The following MRGPRX1 variants were observed in gnomAD, a reference collection of about 807,000 sequenced individuals.
MRGPRX1 encodes MAS related GPR family member X1, also known as mas-related G protein-coupled receptor member X1.
For synonymous variants in MRGPRX1, 208 were observed against 170.4 expected (o/e 1.22, Z -1.72); for missense variants, 411 against 393.8 (o/e 1.04, Z -0.37).
chr11:18,933,678 A>C lies in MRGPRX1; in HGVS notation c.*138T>G, dbSNP rs1390797691. On this transcript the variant is annotated 3_prime_UTR_variant, in exon 2 of 2. Coordinates refer to ENST00000526914, the MANE Select transcript of MRGPRX1 (RefSeq NM_001393578.1). ...GTGAAAACCGCAACTGTCAGGTTAGATAAACATCTATTTGAAGACCTTGAG... is the reference window on the plus strand; with the variant it reads ...GTGAAAACCGCAACTGTCAGGTTAGCTAAACATCTATTTGAAGACCTTGAG... 5.6e-6 allele frequency: 8 copies of C among 1,415,932 alleles called. No homozygotes were observed. Among genetic ancestry groups the C allele is most frequent in the Non-Finnish European group, 3.8e-6 (4 of 1,050,106 alleles). 87.7% of individuals were successfully genotyped at this position (1,415,932 alleles called of 1,614,324 possible). A position where few individuals can be genotyped will look rare whatever the true frequency, so the allele number is the denominator to read the frequency against.
At chr11:18,938,137 A>G (rs568425703) in intron 1 of MRGPRX1, among the ~76,000 whole-genome samples, 1 of 151,592 alleles carries the variant, frequency 6.6e-6, no homozygotes, top group African/African-American at 2.4e-5. Flanking sequence ...AGACACCTGG[A>G]TGAGACTGGA....
At chr11:18,936,453 A>T (rs1848841419) in intron 1 of MRGPRX1, among the ~76,000 whole-genome samples, 1 of 151,428 alleles carries the variant, frequency 6.6e-6, no homozygotes, top group Middle Eastern at 3.4e-3. Flanking sequence ...AATCCCGAGA[A>T]TGCACAGGGA....
intron 1 of MRGPRX1, among the ~76,000 whole-genome samples, chr11:18,938,996 G>A (rs1028546184): frequency 6.6e-6 from 1 of 151,508 alleles, no homozygotes. Flanking sequence ...ATGTCCTCTA[G>A]CTCCTTAAAT....
rs753343825 is a variant in MRGPRX1 at position 18,934,684 on chromosome 11, G to T, written c.101C>A (p.Thr34Lys). 1.2e-6 allele frequency: 2 copies of T among 1,610,688 alleles called. No homozygotes were observed. The highest frequency in any genetic ancestry group is 1.1e-5 in the South Asian group (1 of 90,766). ...YKQTLSLTVLTCIVSLVGLTG... is the reference protein window; with the variant it reads ...YKQTLSLTVLKCIVSLVGLTG... ...CAGCCCGACAAGGGAAACGATGCACGTCAGCACCGTGAGGCTCAAGGTCTG... is the reference window on the plus strand; with the variant it reads ...CAGCCCGACAAGGGAAACGATGCACTTCAGCACCGTGAGGCTCAAGGTCTG... Residue 34 changes from threonine to lysine, a missense_variant, in exon 2 of 2, where the codon ACG becomes AAG. Thr to Lys is a moderately conservative substitution (Grantham distance 78). Coordinates refer to ENST00000526914, the MANE Select transcript of MRGPRX1 (RefSeq NM_001393578.1).
In MRGPRX1 at chr11:18,934,361, C is replaced by A; in HGVS notation, c.424G>T (p.Val142Leu). 1 of 1,610,922 alleles carries A rather than the reference C, an allele frequency of 6.2e-7. No individual in the cohort carries two copies. The highest frequency in any genetic ancestry group is 8.5e-7 in the Non-Finnish European group (1 of 1,178,206). Residue 142 changes from valine (V) to leucine (L), a missense_variant, in exon 2 of 2, where the codon GTG becomes TTG. Physicochemically the swap from Val to Leu is conservative, Grantham distance 32. Transcript: ENST00000526914. The stretch of plus-strand genomic sequence containing the variant: ...GACAGGGCCCAGAGCAGGACACACA[C>A]CACCGCTGACAGGTGTGTGGGGCGG... ...CHRPTHLSAV[V>L]CVLLWALSLL...
At chr11:18,939,094 G>T (rs1019011743) in intron 1 of MRGPRX1, among the ~76,000 whole-genome samples, 186 bp downstream of exon 1, 1 of 151,326 alleles carries the variant, frequency 6.6e-6, no homozygotes, top group Non-Finnish European at 1.5e-5. Context: ...CAAATGGGGG[G>T]ACTCCAGTTG....
At position 18,934,787 on chromosome 11, in the gene MRGPRX1, T is replaced by C; in HGVS notation, c.-3A>G. 1.3e-6 allele frequency: 2 copies of C among 1,558,216 alleles called. No homozygotes were observed. The highest frequency in any genetic ancestry group is 1.7e-6 in the Non-Finnish European group (2 of 1,151,816). On this transcript the variant is annotated 5_prime_UTR_variant, in exon 2 of 2. Transcript: ENST00000526914. Reference sequence around the variant, plus strand: ...AAGGTTGAGATGGTTGGATCCATGCTCAGAAACCCTAGTCTGGTGACCCTG... The same window carrying C: ...AAGGTTGAGATGGTTGGATCCATGCCCAGAAACCCTAGTCTGGTGACCCTG...
chr11:18,934,767 T>C lies in MRGPRX1; in HGVS notation c.18A>G (p.Ser6=), dbSNP rs187282587. The C allele has an allele frequency of 1.8e-5, 29 of 1,581,842 alleles. 1 individual carries two copies. In the East Asian group the frequency reaches 6.1e-4, roughly 33 times the overall value. MDPTI[S]TLDTELTPIN... is the part of the protein sequence containing the mutation. The stretch of plus-strand genomic sequence containing the variant: ...TTGGTGTCAGTTCTGTGTCCAAGGT[T>C]GAGATGGTTGGATCCATGCTCAGAA... Residue 6 remains serine (S), a synonymous_variant, in exon 2 of 2, where the codon TCA becomes TCG. Transcript: ENST00000526914.
chr11:18,937,908 T>C lies in MRGPRX1; in HGVS notation c.-26+1372A>G, dbSNP rs576091860. 1.4e-4 allele frequency among the ~76,000 whole-genome samples: 21 copies of C among 151,698 alleles called. 1 individual carries two copies. Among genetic ancestry groups the C allele is most frequent in the Middle Eastern group, 3.4e-3 (1 of 292 alleles). On this transcript the variant is annotated intron_variant, in intron 1 of 1. Transcript: ENST00000526914. ...AGACATGCCGAACATTAAAGTAGTC[T>C]GAAAGAGCTGAAATGAGACAGGAAT...
Position 18,934,871 on chromosome 11 carries a change from G to C in MRGPRX1, c.-25-62C>G, listed in dbSNP as rs561011220. 9.5e-5 allele frequency: 138 copies of C among 1,457,556 alleles called. No homozygotes were observed. The East Asian group carries it at 2.4e-3, about 26-fold the overall frequency. 90.3% of individuals were successfully genotyped at this position (1,457,556 alleles called of 1,614,324 possible). ...GATCTCTGATTCTCCCCACCACCCT[G>C]CCATGTGGGATTTACTTCCTCATTT... On this transcript the variant is annotated intron_variant, in intron 1 of 1. Transcript: ENST00000526914.
Position 18,934,569 on chromosome 11 carries a change from G to A in MRGPRX1, c.216C>T (p.Asp72=). 1 of 1,609,738 alleles carries A rather than the reference G, an allele frequency of 6.2e-7. No homozygotes were observed. The change falls in exon 2 of 2, where the codon GAC becomes GAT. Residue 72 remains aspartate (D), a synonymous_variant. Coordinates refer to ENST00000526914, the MANE Select transcript of MRGPRX1 (RefSeq NM_001393578.1). The stretch of plus-strand genomic sequence containing the variant: ...TAAGGCGGCCGCTGAGGAAGAGGAA[G>A]TCTGCTGCGGCCAAGTTGAGGATGT... ...SIYILNLAAA[D]FLFLSGRLIY...
At chr11:18,936,057 G>C (rs1315124003) in intron 1 of MRGPRX1, among the ~76,000 whole-genome samples, 5 of 151,462 alleles carry the variant, frequency 3.3e-5, no homozygotes, top group Non-Finnish European at 7.4e-5. Context: ...AAGAGCCTAG[G>C]AGTTAAGAAT....
intron 1 of MRGPRX1, among the ~76,000 whole-genome samples, chr11:18,937,599 G>C (rs1164141570): frequency 6.6e-6 from 1 of 151,432 alleles, no homozygotes; most frequent in East Asian, 1.9e-4. Flanking sequence ...TAATGACAAG[G>C]AAAAACAAGT....
chr11:18,934,490 A>T lies in MRGPRX1; in HGVS notation c.295T>A (p.Tyr99Asn). 6.2e-7 allele frequency: 1 copy of T among 1,610,622 alleles called. No individual in the cohort carries two copies. Among genetic ancestry groups the T allele is most frequent in the Non-Finnish European group, 8.5e-7 (1 of 1,178,028 alleles). Residue 99 changes from tyrosine to asparagine, a missense_variant, in exon 2 of 2, where the codon TAT (tyrosine) becomes AAT (asparagine). Transcript: ENST00000526914. ...AAGTAGGAAAACATCATCACAGGAT[A>T]GAGGATTTTAGAGATGGTATGGGGG... The part of the protein sequence containing the change: ...SIPHTISKIL[Y>N]PVMMFSYFAG...
At position 18,934,644 on chromosome 11, in the gene MRGPRX1, A is replaced by T. The variant is rs760251535; in HGVS notation, c.141T>A (p.Val47=). 1.2e-6 allele frequency: 2 copies of T among 1,610,822 alleles called. No homozygotes were observed. The highest frequency in any genetic ancestry group is 3.4e-5 in the Admixed American group (2 of 59,400). The change falls in exon 2 of 2, where the codon GTT becomes GTA. Residue 47 remains valine (V), a synonymous_variant. Transcript: ENST00000526914. The part of the protein sequence containing the change: ...VSLVGLTGNA[V]VLWLLGCRMR... ...TGCGGCAGCCCAGGAGCCAGAGCAC[A>T]ACTGCGTTTCCTGTCAGCCCGACAA...
intron 1 of MRGPRX1, among the ~76,000 whole-genome samples, chr11:18,937,651 T>G (rs1237671694): frequency 6.6e-6 from 1 of 151,470 alleles, no homozygotes; most frequent in Non-Finnish European, 1.5e-5. Flanking sequence ...CATACCCTTA[T>G]TTTTGGAACA....
Position 18,934,391 on chromosome 11 carries a change from A to G in MRGPRX1, c.394T>C (p.Cys132Arg), listed in dbSNP as rs1376031307. 1.2e-6 allele frequency: 2 copies of G among 1,610,856 alleles called. No individual in the cohort carries two copies. Among genetic ancestry groups the G allele is most frequent in the Admixed American group, 1.7e-5 (1 of 59,444 alleles). ...GCTGACAGGTGTGTGGGGCGGTGGC[A>G]GCGGTACCAGATGGGCCACAGGACG... ...LSVLWPIWYR[C>R]HRPTHLSAVV... Residue 132 changes from cysteine (C) to arginine (R), a missense_variant, in exon 2 of 2, where the codon TGC becomes CGC. Transcript: ENST00000526914.
chr11:18,939,379 T>A lies in MRGPRX1; in HGVS notation c.-125A>T, dbSNP rs548796799. On this transcript the variant is annotated 5_prime_UTR_variant, in exon 1 of 2. Coordinates refer to ENST00000526914, the MANE Select transcript of MRGPRX1 (RefSeq NM_001393578.1). ...GTGACTTCAGAGAACCCTTCTGTGT[T>A]GCTTAATTCAGGAGATGCATACAGG... 7 of 151,914 alleles carry A rather than the reference T, an allele frequency of 4.6e-5. No individual in the cohort carries two copies. The highest frequency in any genetic ancestry group is 1.7e-4 in the African/African-American group (7 of 41,428). The allele number at this position is 151,914 out of a possible 1,614,324, so 9.4% of individuals were successfully genotyped here. A position where few individuals can be genotyped will look rare whatever the true frequency, so the allele number is the denominator to read the frequency against.
At chr11:18,938,483 G>T (rs1490624419) in intron 1 of MRGPRX1, among the ~76,000 whole-genome samples, 2 of 151,402 alleles carry the variant, frequency 1.3e-5, no homozygotes, top group Admixed American at 6.6e-5. Context: ...TACCGAAGGG[G>T]GATAGTGTTA....
Sources: allele counts gnomAD v4.1 joint callset (sites outside exome capture counted in the v4.1 genomes callset), GRCh38; gene constraint gnomAD v4.1.1; transcripts MANE v1.5; gene names NCBI Gene and HGNC (gene_info 2026-07-23, HGNC 2026-07-21).